Variants in CTNNA3 observed in about 807,000 individuals in gnomAD.
CTNNA3 encodes the protein catenin alpha 3.
In CTNNA3, 76 loss-of-function variants were observed where a neutral mutation model predicts 95.7. That is an observed-to-expected ratio of 0.79 (90% CI 0.66 to 0.96). CTNNA3 has a LOEUF of 0.96. Ranked by LOEUF, CTNNA3 falls within the 40% of genes least tolerant of loss-of-function variation. The probability of loss-of-function intolerance (pLI) is 0.00; values close to 1 mark genes in which losing one functional copy is unlikely to be tolerated. For missense variants in CTNNA3, 1,191 were observed against 1,089.8 expected (o/e 1.09, Z -1.31); for synonymous variants, 431 against 374.4 (o/e 1.15, Z -1.74).
chr10:67,468,967 T>C (rs1413775248), intron 5 of CTNNA3, among the ~76,000 whole-genome samples: 2 of 152,218 alleles, frequency 1.3e-5, no homozygotes, highest in African/African-American at 4.8e-5. Context: ...TGCATTCGTA[T>C]AAGGAAGCTT....
intron 7 of CTNNA3, among the ~76,000 whole-genome samples, chr10:67,140,622 T>C (rs1187205941): frequency 6.6e-6 from 1 of 152,212 alleles, no homozygotes; most frequent in African/African-American, 2.4e-5. Context: ...CTAAAATGTA[T>C]GAAAAGCAAA....
chr10:66,207,533 T>C (rs1260241701), intron 13 of CTNNA3, among the ~76,000 whole-genome samples: 2 of 152,064 alleles, frequency 1.3e-5, no homozygotes, highest in Admixed American at 6.6e-5. Context: ...CTTAGCCATA[T>C]TCTTTGCTCT....
At position 66,750,769 on chromosome 10, in the gene CTNNA3, T is replaced by G. The variant is rs571245380; in HGVS notation, c.1281+15495A>C. Among the ~76,000 whole-genome samples the G allele has an allele frequency of 6.6e-5, 10 of 152,344 alleles. No individual in the cohort carries two copies. In the South Asian group the frequency reaches 1.0e-3, roughly 16 times the overall value. On this transcript the variant is annotated intron_variant, in intron 9 of 17. Transcript: ENST00000433211. ...ACAAAATAACTTGCTAGGATTTGTA[T>G]TGAGATTGCATTGAATCTATAAAGT...
At chr10:66,573,344 T>A (rs1842922306) in intron 10 of CTNNA3, among the ~76,000 whole-genome samples, 1 of 152,262 alleles carries the variant, frequency 6.6e-6, no homozygotes, top group Admixed American at 6.5e-5. Context: ...CAACATATTA[T>A]GAATGATGTG....
chr10:66,114,118 C>G (rs745440708), intron 13 of CTNNA3, among the ~76,000 whole-genome samples: 24 of 152,108 alleles, frequency 1.6e-4, no homozygotes, highest in Non-Finnish European at 2.9e-4. Context: ...AGACCTATTC[C>G]AATTTATTTT....
chr10:66,765,445 C>T (rs574303469), intron 9 of CTNNA3, among the ~76,000 whole-genome samples: 5 of 152,252 alleles, frequency 3.3e-5, no homozygotes, highest in African/African-American at 9.6e-5. Flanking sequence ...CCATGAACAA[C>T]TGGTGCAGCC....
chr10:66,278,970 A>AT (rs113663452), intron 13 of CTNNA3, among the ~76,000 whole-genome samples: 7,224 of 152,200 alleles, frequency 0.047, 314 homozygotes, highest in African/African-American at 0.11. Flanking sequence ...CTGCCCAGAC[A>AT]TAGTCATTGG....
intron 5 of CTNNA3, among the ~76,000 whole-genome samples, chr10:67,465,300 G>A (rs1320621062): frequency 1.3e-5 from 2 of 151,644 alleles, no homozygotes; most frequent in East Asian, 3.9e-4. Flanking sequence ...AGCCTTAATC[G>A]CCCAACTCAA....
At chr10:67,251,324 G>T (rs1182135651) in intron 5 of CTNNA3, among the ~76,000 whole-genome samples, 1 of 152,164 alleles carries the variant, frequency 6.6e-6, no homozygotes, top group Admixed American at 6.5e-5. Flanking sequence ...TTATCTGGGG[G>T]TTGGGGGCAG....
intron 7 of CTNNA3, among the ~76,000 whole-genome samples, chr10:66,901,439 C>A (rs905116985): frequency 1.3e-5 from 2 of 152,168 alleles, no homozygotes; most frequent in Non-Finnish European, 2.9e-5. Context: ...ATTCTAAAGA[C>A]CATAGATGCT....
At chr10:67,420,551 G>A (rs1845711030) in intron 5 of CTNNA3, among the ~76,000 whole-genome samples, 1 of 152,108 alleles carries the variant, frequency 6.6e-6, no homozygotes. Context: ...AGGGATTTTA[G>A]GAGGGTTCAA....
chr10:66,484,594 C>T (rs549806592), intron 11 of CTNNA3, among the ~76,000 whole-genome samples: 1 of 151,816 alleles, frequency 6.6e-6, no homozygotes, highest in Non-Finnish European at 1.5e-5. Flanking sequence ...TCAAGAATAA[C>T]CCTTACTGGG....
Position 66,524,028 on chromosome 10 carries a change from T to A in CTNNA3, c.1375-3255A>T, listed in dbSNP as rs183019923. ...TCCAGCCACAGTTTTAAGCTCCATTTCCTTATCACACCACTCATCTTTGTA... is the reference window on the plus strand; with the variant it reads ...TCCAGCCACAGTTTTAAGCTCCATTACCTTATCACACCACTCATCTTTGTA... On this transcript the variant is annotated intron_variant, in intron 10 of 17. Transcript: ENST00000433211. Among the ~76,000 whole-genome samples, 14 of 152,242 alleles carry A rather than the reference T, an allele frequency of 9.2e-5. No homozygotes were observed. In the East Asian group the frequency reaches 2.7e-3, roughly 29 times the overall value.
intron 7 of CTNNA3, among the ~76,000 whole-genome samples, chr10:66,794,528 C>T (rs1841114678): frequency 1.3e-5 from 2 of 152,086 alleles, no homozygotes; most frequent in African/African-American, 4.8e-5. Flanking sequence ...TGCTAACAGC[C>T]ATATGAGCCT....
chr10:67,684,763 G>A (rs924133973), intron 1 of CTNNA3, among the ~76,000 whole-genome samples: 1 of 152,162 alleles, frequency 6.6e-6, no homozygotes, highest in Non-Finnish European at 1.5e-5. Flanking sequence ...CTTGATTCTA[G>A]AGGAAACAAA....
At chr10:67,346,607 G>C in intron 5 of CTNNA3, 1 of 424,710 alleles carries the variant, frequency 2.4e-6, no homozygotes, top group South Asian at 1.7e-5. Flanking sequence ...AGGGCACACT[G>C]TATATGGACA....
intron 7 of CTNNA3, chr10:66,928,537 G>A: frequency 7.8e-7 from 1 of 1,274,788 alleles, no homozygotes; most frequent in Admixed American, 2.5e-5. Flanking sequence ...TCAAGGGAAC[G>A]CGATGCCCCC....
chr10:66,224,716 CT>C (rs1345569717), intron 13 of CTNNA3, among the ~76,000 whole-genome samples: 1 of 152,112 alleles, frequency 6.6e-6, no homozygotes, highest in Non-Finnish European at 1.5e-5. Flanking sequence ...ATGTGGCTTT[CT>C]TAAAATACGA....
At chr10:67,571,247 T>C (rs1841965288) in intron 3 of CTNNA3, among the ~76,000 whole-genome samples, 1 of 152,226 alleles carries the variant, frequency 6.6e-6, no homozygotes, top group African/African-American at 2.4e-5. Flanking sequence ...TGGTTAGTTA[T>C]TCACAGAGTT....
Sources: allele counts gnomAD v4.1 joint callset (sites outside exome capture counted in the v4.1 genomes callset), GRCh38; gene constraint gnomAD v4.1.1; transcripts MANE v1.5; gene names NCBI Gene and HGNC (gene_info 2026-07-23, HGNC 2026-07-21).